Variants in LHFPL6 observed in about 807,000 individuals in gnomAD.
LHFPL6 encodes LHFPL tetraspan subfamily member 6 protein.
LHFPL6 carries 9 observed loss-of-function variants against 20.6 expected under a neutral mutation model. The ratio of observed to expected loss-of-function variants is 0.44; its 90% CI spans 0.26 to 0.76. The LOEUF (loss-of-function observed/expected upper bound fraction) is 0.76, where lower values mean the gene tolerates loss of function less well. Ranked by LOEUF, LHFPL6 falls within the 30% of genes least tolerant of loss-of-function variation. The probability of loss-of-function intolerance (pLI) is 0.20; values close to 1 mark genes in which losing one functional copy is unlikely to be tolerated. For missense variants in LHFPL6, 218 were observed against 253.5 expected, an observed-to-expected ratio of 0.86 and a Z score of 0.95; for synonymous variants, 105 against 98.7, an observed-to-expected ratio of 1.06 and a Z score of -0.38.
At chr13:39,428,547 T>C (rs1003742701) in intron 2 of LHFPL6, among the ~76,000 whole-genome samples, 3 of 152,174 alleles carry the variant, frequency 2.0e-5, no homozygotes, top group African/African-American at 7.2e-5. Context: ...TGATATCACC[T>C]TCCTCATTCC....
At chr13:39,476,933 T>C (rs145520704) in intron 2 of LHFPL6, among the ~76,000 whole-genome samples, 4 of 152,316 alleles carry the variant, frequency 2.6e-5, no homozygotes, top group African/African-American at 9.6e-5. Context: ...TGCATGGTCT[T>C]TGTGTGATTA....
intron 2 of LHFPL6, among the ~76,000 whole-genome samples, chr13:39,517,131 T>A (rs1869950679): frequency 6.6e-6 from 1 of 152,124 alleles, no homozygotes; most frequent in Non-Finnish European, 1.5e-5. Context: ...CTCTAAAGGT[T>A]TGAAAGAAAA....
intron 2 of LHFPL6, among the ~76,000 whole-genome samples, chr13:39,560,813 C>G (rs1160646670): frequency 6.6e-6 from 1 of 152,094 alleles, no homozygotes; most frequent in African/African-American, 2.4e-5. Flanking sequence ...CCGCGCCCTG[C>G]TGGGTTATGC....
chr13:39,400,261 C>T (rs542063606), intron 2 of LHFPL6, among the ~76,000 whole-genome samples: 4 of 152,238 alleles, frequency 2.6e-5, no homozygotes, highest in Non-Finnish European at 5.9e-5. Flanking sequence ...TTGATACTAA[C>T]TTGGAAAAAA....
intron 2 of LHFPL6, among the ~76,000 whole-genome samples, chr13:39,523,075 T>C (rs1163690856): frequency 6.6e-6 from 1 of 152,254 alleles, no homozygotes; most frequent in African/African-American, 2.4e-5. Context: ...TCCCTAATTG[T>C]ATGACCTTAG....
intron 2 of LHFPL6, among the ~76,000 whole-genome samples, chr13:39,456,979 TA>T (rs1423524690): frequency 9.9e-5 from 15 of 152,046 alleles, no homozygotes; most frequent in Non-Finnish European, 2.2e-4. Context: ...TTTGTATTTT[TA>T]GTAGAGGTGG....
chr13:39,569,594 C>A lies in LHFPL6; in HGVS notation c.385+31238G>T, dbSNP rs149331997. Reference sequence around the variant, plus strand: ...CAAGAATAAACGGTGTTAAATTTACCTCAACTTTGGTTTTGACGAGAAAAT... The same window carrying A: ...CAAGAATAAACGGTGTTAAATTTACATCAACTTTGGTTTTGACGAGAAAAT... On this transcript the variant is annotated intron_variant, in intron 2 of 3. Transcript: ENST00000379589. 1.6e-4 allele frequency among the ~76,000 whole-genome samples: 25 copies of A among 152,172 alleles called. No individual in the cohort carries two copies. The East Asian group carries it at 4.4e-3, about 27-fold the overall frequency.
chr13:39,397,552 C>T (rs544878373), intron 2 of LHFPL6, among the ~76,000 whole-genome samples: 5 of 152,194 alleles, frequency 3.3e-5, no homozygotes, highest in African/African-American at 9.7e-5. Flanking sequence ...GTAAGTCATC[C>T]GTGACGAAGG....
intron 2 of LHFPL6, among the ~76,000 whole-genome samples, chr13:39,465,046 C>T (rs1872769905): frequency 6.6e-6 from 1 of 151,978 alleles, no homozygotes. Context: ...AAATCAGAGA[C>T]CACAATTGAT....
intron 2 of LHFPL6, among the ~76,000 whole-genome samples, chr13:39,484,425 C>T (rs1005196480): frequency 6.6e-6 from 1 of 152,134 alleles, no homozygotes; most frequent in African/African-American, 2.4e-5. Flanking sequence ...CCTGGCTGAA[C>T]AGAGAAACTC....
At chr13:39,591,048 A>G (rs1332498922) in intron 2 of LHFPL6, among the ~76,000 whole-genome samples, 3 of 152,256 alleles carry the variant, frequency 2.0e-5, no homozygotes, top group Non-Finnish European at 4.4e-5. Flanking sequence ...TTCTAGCGAA[A>G]AAGTGTTGCA....
chr13:39,405,634 G>A (rs1237977976), intron 2 of LHFPL6, among the ~76,000 whole-genome samples: 2 of 152,168 alleles, frequency 1.3e-5, no homozygotes, highest in Non-Finnish European at 2.9e-5. Flanking sequence ...CCAGACTGGG[G>A]GCAGGGGACA....
chr13:39,378,304 G>A (rs546480205), intron 3 of LHFPL6, 124 bp downstream of exon 3: 12 of 667,756 alleles, frequency 1.8e-5, no homozygotes, highest in East Asian at 1.1e-4. Flanking sequence ...ATTGTTACAC[G>A]TGACTACTGG....
At chr13:39,435,624 T>A (rs1871937136) in intron 2 of LHFPL6, among the ~76,000 whole-genome samples, 1 of 152,300 alleles carries the variant, frequency 6.6e-6, no homozygotes, top group Admixed American at 6.5e-5. Flanking sequence ...GATGGTGGAT[T>A]TAATACATAC....
intron 2 of LHFPL6, among the ~76,000 whole-genome samples, chr13:39,506,078 A>G (rs546157514): frequency 6.6e-6 from 1 of 152,310 alleles, no homozygotes; most frequent in Admixed American, 6.5e-5. Context: ...CTCTTTTTAC[A>G]GACAAAACAG....
Position 39,472,893 on chromosome 13 carries a change from G to T in LHFPL6, c.386-94367C>A, listed in dbSNP as rs565811164. Among the ~76,000 whole-genome samples the T allele has an allele frequency of 2.0e-5, 3 of 152,312 alleles. No individual in the cohort carries two copies. In the South Asian group the frequency reaches 6.2e-4, roughly 32 times the overall value. ...CCCAAATTGCTGGGATTACAGGCGT[G>T]AGCCACCGTGCCCGGCCCCCTTCTT... On this transcript the variant is annotated intron_variant, in intron 2 of 3. Transcript: ENST00000379589.
Position 39,600,993 on chromosome 13 carries a change from T to C in LHFPL6, c.224A>G (p.Gln75Arg). 6.2e-7 allele frequency: 1 copy of C among 1,613,940 alleles called. No individual in the cohort carries two copies. The highest frequency in any genetic ancestry group is 8.5e-7 in the Non-Finnish European group (1 of 1,179,896). Residue 75 changes from glutamine to arginine, a missense_variant, in exon 2 of 4, where the codon CAG becomes CGG. Gln to Arg is a conservative substitution (Grantham distance 43). Coordinates refer to ENST00000379589, the MANE Select transcript of LHFPL6 (RefSeq NM_005780.3). ...VEECGRYASFQGIPSAEWRIC... is the reference protein window; with the variant it reads ...VEECGRYASFRGIPSAEWRIC... ...CCTCCATTCTGCGCTGGGGATGCCC[T>C]GGAAGGAGGCATAGCGCCCACATTC...
rs1461561597 is a variant in LHFPL6 at position 39,511,496 on chromosome 13, T to C, written c.385+89336A>G. Among the ~76,000 whole-genome samples the C allele has an allele frequency of 2.0e-5, 3 of 149,260 alleles. No individual in the cohort carries two copies. In the East Asian group the frequency reaches 5.8e-4, roughly 29 times the overall value. ...AAAAAAAAAAAAGACAGAAAAGAGA[T>C]ACATTCGCCACCTCTGATGAATACC... On this transcript the variant is annotated intron_variant, in intron 2 of 3. Coordinates refer to ENST00000379589, the MANE Select transcript of LHFPL6 (RefSeq NM_005780.3).
intron 2 of LHFPL6, among the ~76,000 whole-genome samples, chr13:39,512,763 G>A (rs1014844511): frequency 2.6e-5 from 4 of 152,204 alleles, no homozygotes; most frequent in African/African-American, 9.6e-5. Flanking sequence ...TCTAAAAGCA[G>A]GTAGGACAGC....
Sources: gnomAD v4.1 joint callset for allele counts (sites outside exome capture counted in the v4.1 genomes callset) on GRCh38, gnomAD v4.1.1 for gene constraint, MANE v1.5 for transcripts, NCBI Gene and HGNC (gene_info 2026-07-23, HGNC 2026-07-21) for gene names.